The following NRXN3 variants were observed in gnomAD, a reference collection of about 807,000 sequenced individuals.
The protein encoded by NRXN3 is neurexin III.
Under a neutral mutation model 137.6 loss-of-function variants are expected in NRXN3, and 32 were observed. That is an observed-to-expected ratio of 0.23 (90% confidence interval 0.18 to 0.31). NRXN3 has a LOEUF of 0.31. NRXN3 is among the 10% of genes least tolerant of loss of function. The pLI, the probability that NRXN3 is intolerant of heterozygous loss-of-function variation, is 1.00. For missense variants in NRXN3, 1,574 were observed against 2,062.5 expected, an observed-to-expected ratio of 0.76 and a Z score of 4.59; for synonymous variants, 798 against 784.5, an observed-to-expected ratio of 1.02 and a Z score of -0.29.
At chr14:78,881,519 T>TA (rs2099129108) in intron 10 of NRXN3, among the ~76,000 whole-genome samples, 1 of 151,536 alleles carries the variant, frequency 6.6e-6, no homozygotes, top group African/African-American at 2.4e-5. Context: ...TGCTATGCTC[T>TA]AAAAAAGAGA....
chr14:78,340,951 A>G (rs929859168), intron 4 of NRXN3, among the ~76,000 whole-genome samples: 11 of 152,344 alleles, frequency 7.2e-5, no homozygotes, highest in Non-Finnish European at 1.0e-4. Flanking sequence ...GGGTTGCATT[A>G]TTTAGCAAAT....
At chr14:78,792,704 G>A (rs900165049) in intron 8 of NRXN3, among the ~76,000 whole-genome samples, 1 of 152,094 alleles carries the variant, frequency 6.6e-6, no homozygotes, top group Non-Finnish European at 1.5e-5. Context: ...AAAATTTACA[G>A]CACTTATCAC....
chr14:79,815,836 A>G (rs914938259), intron 20 of NRXN3, among the ~76,000 whole-genome samples: 27 of 152,196 alleles, frequency 1.8e-4, no homozygotes, highest in African/African-American at 6.0e-4. Context: ...TACGTACACT[A>G]TAGACGTCAA....
At chr14:78,970,996 T>C (rs926518771) in intron 14 of NRXN3, among the ~76,000 whole-genome samples, 1 of 152,218 alleles carries the variant, frequency 6.6e-6, no homozygotes, top group Non-Finnish European at 1.5e-5. Flanking sequence ...TCCTTGTTGA[T>C]TGTACACAAA....
intron 6 of NRXN3, among the ~76,000 whole-genome samples, chr14:78,674,751 A>T (rs572862159): frequency 1.3e-5 from 2 of 152,292 alleles, no homozygotes; most frequent in East Asian, 1.9e-4. Context: ...GATGACTTTT[A>T]TGTCTTCCAG....
intron 4 of NRXN3, among the ~76,000 whole-genome samples, chr14:78,524,408 G>C (rs978211325): frequency 6.6e-6 from 1 of 151,674 alleles, no homozygotes; most frequent in African/African-American, 2.4e-5. Flanking sequence ...CCAGAGCCAA[G>C]GTTCCAAAGG....
At chr14:78,546,539 C>T (rs560997851) in intron 4 of NRXN3, among the ~76,000 whole-genome samples, 2 of 152,098 alleles carry the variant, frequency 1.3e-5, no homozygotes, top group African/African-American at 4.8e-5. Flanking sequence ...AATTTCCAGT[C>T]TTCGTAGAGA....
chr14:79,488,142 G>A (rs1391302679), intron 16 of NRXN3, among the ~76,000 whole-genome samples: 1 of 152,148 alleles, frequency 6.6e-6, no homozygotes, highest in East Asian at 1.9e-4. Flanking sequence ...ATTTGCTGCA[G>A]TGACCTTACC....
chr14:78,239,462 C>T (rs1405113555), intron 1 of NRXN3, among the ~76,000 whole-genome samples: 1 of 152,164 alleles, frequency 6.6e-6, no homozygotes, highest in Admixed American at 6.5e-5. Context: ...CATACCTCAC[C>T]TCATACAAGG....
intron 4 of NRXN3, among the ~76,000 whole-genome samples, chr14:78,426,845 T>G (rs2093682931): frequency 6.6e-6 from 1 of 152,086 alleles, no homozygotes; most frequent in Non-Finnish European, 1.5e-5. Context: ...GGTAGTGTGT[T>G]CTGAACCCCA....
intron 10 of NRXN3, among the ~76,000 whole-genome samples, chr14:78,927,584 A>T (rs1163286611): frequency 2.6e-5 from 4 of 152,094 alleles, no homozygotes; most frequent in Admixed American, 2.6e-4. Context: ...TTGGCTCTTG[A>T]GCAGAATTTC....
chr14:78,839,894 G>A (rs2099007239), intron 10 of NRXN3, among the ~76,000 whole-genome samples: 1 of 152,156 alleles, frequency 6.6e-6, no homozygotes, highest in Non-Finnish European at 1.5e-5. Flanking sequence ...ACACATCACT[G>A]ATCCAATAAG....
intron 15 of NRXN3, among the ~76,000 whole-genome samples, chr14:79,285,865 G>A (rs540202732): frequency 3.8e-4 from 27 of 71,948 alleles, no homozygotes; most frequent in Non-Finnish European, 6.4e-4. Context: ...GCCCCCCACC[G>A]CCCCCCACCA....
intron 6 of NRXN3, among the ~76,000 whole-genome samples, chr14:78,685,868 C>T (rs8018600): frequency 0.11 from 16,403 of 148,778 alleles, 938 homozygotes; most frequent in Admixed American, 0.15. Flanking sequence ...AGGCTGATCT[C>T]GAACTCCTGA....
intron 10 of NRXN3, among the ~76,000 whole-genome samples, chr14:78,953,415 C>T (rs573292800): frequency 3.3e-5 from 5 of 152,264 alleles, no homozygotes; most frequent in South Asian, 4.1e-4. Context: ...TATCTTATTC[C>T]GTATTCCCCA....
chr14:79,129,914 T>C (rs1489542523), intron 15 of NRXN3, among the ~76,000 whole-genome samples: 1 of 147,454 alleles, frequency 6.8e-6, no homozygotes, highest in Non-Finnish European at 1.5e-5. Flanking sequence ...GTTGAATTGA[T>C]CCCTTTACCA....
At chr14:79,568,321 T>G (rs1345843574) in intron 16 of NRXN3, among the ~76,000 whole-genome samples, 1 of 152,198 alleles carries the variant, frequency 6.6e-6, no homozygotes, top group Non-Finnish European at 1.5e-5. Flanking sequence ...GAGTTGAAAC[T>G]TCATTCATTC....
At chr14:79,350,225 T>A (rs1210682379) in intron 15 of NRXN3, among the ~76,000 whole-genome samples, 1 of 152,202 alleles carries the variant, frequency 6.6e-6, no homozygotes, top group Non-Finnish European at 1.5e-5. Flanking sequence ...ATGCTCTGAT[T>A]GAGAGAATTG....
chr14:79,542,511 C>T (rs957691777), intron 16 of NRXN3, among the ~76,000 whole-genome samples: 1 of 152,172 alleles, frequency 6.6e-6, no homozygotes, highest in Non-Finnish European at 1.5e-5. Context: ...GAGGAGCTAA[C>T]TGCAAAGTTC....
Sources: gnomAD v4.1 joint callset for allele counts (sites outside exome capture counted in the v4.1 genomes callset) on GRCh38, gnomAD v4.1.1 for gene constraint, MANE v1.5 for transcripts, NCBI Gene and HGNC (gene_info 2026-07-23, HGNC 2026-07-21) for gene names.